SLC37A2: variants seen among roughly 807,000 people sequenced by gnomAD.
The protein encoded by SLC37A2 is solute carrier family 37 member 2.
In SLC37A2, 59 loss-of-function variants were observed where a neutral mutation model predicts 70.7. That is an observed-to-expected ratio of 0.83 (90% confidence interval 0.68 to 1.04). SLC37A2 has a LOEUF of 1.04. Ranked by LOEUF, SLC37A2 falls within the 50% of genes least tolerant of loss-of-function variation. SLC37A2 has a pLI of 0.00. For missense variants in SLC37A2, 580 were observed against 658.1 expected (o/e 0.88, Z 1.30); for synonymous variants, 257 against 262.1 (o/e 0.98, Z 0.19).
At chr11:125,085,307 C>T in intron 14 of SLC37A2, 88 bp from the exon 15 acceptor site, 2 of 1,402,516 alleles carry the variant, frequency 1.4e-6, no homozygotes, top group African/African-American at 1.4e-5. Context: ...CCCCAGTTAC[C>T]ACCTTCCCTG....
At position 125,088,458 on chromosome 11, in the gene SLC37A2, G is replaced by A. The variant is rs1419323817; in HGVS notation, c.*324G>A. On this transcript the variant is annotated 3_prime_UTR_variant, in exon 18 of 18. Coordinates refer to ENST00000403796, the MANE Select transcript of SLC37A2 (RefSeq NM_001145290.2). ...TCTTGCTTGTTCAGATTCCAAGACA[G>A]AAGGCTTCACAAGGCCAACGCCTGG... is the stretch of plus-strand genomic sequence containing the variant. 2 of 299,100 alleles carry A rather than the reference G, an allele frequency of 6.7e-6. No individual in the cohort carries two copies. Among genetic ancestry groups the A allele is most frequent in the Non-Finnish European group, 6.2e-6 (1 of 161,882 alleles). 18.5% of individuals were successfully genotyped at this position (299,100 alleles called of 1,614,324 possible). A position where few individuals can be genotyped will look rare whatever the true frequency, so the allele number is the denominator to read the frequency against.
chr11:125,085,067 G>A lies in SLC37A2; in HGVS notation c.1176G>A (p.Val392=). The A allele has an allele frequency of 1.2e-6, 2 of 1,614,046 alleles. No homozygotes were observed. Among genetic ancestry groups the A allele is most frequent in the South Asian group, 1.1e-5 (1 of 91,084 alleles). Residue 392 remains valine (V), a splice_region_variant and synonymous_variant, in exon 14 of 18, where the codon GTG becomes GTA. Transcript: ENST00000403796. ...IGQDGIASSI[V]MLIICGGLVN... is the part of the protein sequence containing the mutation. ...CTGGCTGTCTCTATGCTGTCCCAGTGATGCTGATCATCTGTGGGGGCCTGG... is the reference window on the plus strand; with the variant it reads ...CTGGCTGTCTCTATGCTGTCCCAGTAATGCTGATCATCTGTGGGGGCCTGG...
rs760223124 is a variant in SLC37A2 at position 125,085,405 on chromosome 11, A to G, written c.1259A>G (p.Lys420Arg). ...ACTGTCTCTCTCCAGGGGACTCACAAGAGCCTGAAGGGCAACGCCAAAGCC... is the reference window on the plus strand; with the variant it reads ...ACTGTCTCTCTCCAGGGGACTCACAGGAGCCTGAAGGGCAACGCCAAAGCC... ...TAVSADLGTH[K>R]SLKGNAKALS... is the part of the protein sequence containing the mutation. Residue 420 changes from lysine to arginine, a missense_variant, in exon 15 of 18, where the codon AAG (lysine) becomes AGG (arginine). By Grantham distance (26) the Lys-to-Arg change is conservative. Coordinates refer to ENST00000403796, the MANE Select transcript of SLC37A2 (RefSeq NM_001145290.2). The G allele has an allele frequency of 1.2e-6, 2 of 1,613,806 alleles. No individual in the cohort carries two copies. The highest frequency in any genetic ancestry group is 2.2e-5 in the East Asian group (1 of 44,824).
At position 125,084,664 on chromosome 11, in the gene SLC37A2, T is replaced by A. The variant is rs548878591; in HGVS notation, c.1126-161T>A. On this transcript the variant is annotated intron_variant, in intron 12 of 17. Coordinates refer to ENST00000403796, the MANE Select transcript of SLC37A2 (RefSeq NM_001145290.2). ...AGAGTACCACGTTTTAGACCGTCCA[T>A]CCCTGGGACATTTAAAGACCAGAGA... is the stretch of plus-strand genomic sequence containing the variant. 2.5e-4 allele frequency among the ~76,000 whole-genome samples: 38 copies of A among 152,294 alleles called. No homozygotes were observed. The East Asian group carries it at 7.1e-3, about 29-fold the overall frequency.
Position 125,086,311 on chromosome 11 carries a change from G to A in SLC37A2, c.1490+293G>A. The A allele has an allele frequency of 4.5e-6, 6 of 1,331,096 alleles. No homozygotes were observed. In the South Asian group the frequency reaches 7.0e-5, roughly 16 times the overall value. The allele number at this position is 1,331,096 out of a possible 1,614,324, so 82.5% of individuals were successfully genotyped here. A position where few individuals can be genotyped will look rare whatever the true frequency, so the allele number is the denominator to read the frequency against. On this transcript the variant is annotated intron_variant, in intron 17 of 17. Transcript: ENST00000403796. Reference sequence around the variant, plus strand: ...CTCGAGTGCCATTTGAGTGGGGGCTGCATGCAAATCCTCTGTCCTGCAGTA... The same window carrying A: ...CTCGAGTGCCATTTGAGTGGGGGCTACATGCAAATCCTCTGTCCTGCAGTA...
At chr11:125,073,422 C>T (rs939616493) in intron 1 of SLC37A2, among the ~76,000 whole-genome samples, 3 of 152,228 alleles carry the variant, frequency 2.0e-5, no homozygotes, top group Non-Finnish European at 4.4e-5. Context: ...CCCGGAGCCT[C>T]CACTTCCCAG....
At chr11:125,064,577 T>C (rs1222266310) in intron 1 of SLC37A2, among the ~76,000 whole-genome samples, 2 of 152,202 alleles carry the variant, frequency 1.3e-5, no homozygotes, top group Non-Finnish European at 2.9e-5. Context: ...TTTTAATTGT[T>C]GAGAGCTCTC....
intron 6 of SLC37A2, among the ~76,000 whole-genome samples, 192 bp downstream of exon 6, chr11:125,079,952 GC>G (rs2135571307): frequency 1.3e-5 from 2 of 152,288 alleles, no homozygotes; most frequent in South Asian, 4.1e-4. Flanking sequence ...CATAGAGCAG[GC>G]AACCTTAGTT....
At position 125,088,146 on chromosome 11, in the gene SLC37A2, G is replaced by T; in HGVS notation, c.*12G>T. Reference sequence around the variant, plus strand: ...ATAAAGAAATATGAGGCCCCAATTGGAACAGCAGCATGGAGGGTCCCAGTT... The same window carrying T: ...ATAAAGAAATATGAGGCCCCAATTGTAACAGCAGCATGGAGGGTCCCAGTT... On this transcript the variant is annotated 3_prime_UTR_variant, in exon 18 of 18. Transcript: ENST00000403796. 1 of 1,551,700 alleles carries T rather than the reference G, an allele frequency of 6.4e-7. No homozygotes were observed. The highest frequency in any genetic ancestry group is 8.7e-7 in the Non-Finnish European group (1 of 1,147,036).
chr11:125,085,748 A>G, intron 16 of SLC37A2, 74 bp downstream of exon 16: 1 of 1,524,184 alleles, frequency 6.6e-7, no homozygotes, highest in Non-Finnish European at 9.0e-7. Flanking sequence ...TGGAGGTCCA[A>G]AGCGTTGGCC....
chr11:125,088,202 C>T lies in SLC37A2; in HGVS notation c.*68C>T. 1 of 1,525,096 alleles carries T rather than the reference C, an allele frequency of 6.6e-7. No individual in the cohort carries two copies. The highest frequency in any genetic ancestry group is 8.9e-7 in the Non-Finnish European group (1 of 1,123,292). The allele number at this position is 1,525,096 out of a possible 1,614,324, so 94.5% of individuals were successfully genotyped here. A position where few individuals can be genotyped will look rare whatever the true frequency, so the allele number is the denominator to read the frequency against. On this transcript the variant is annotated 3_prime_UTR_variant, in exon 18 of 18. Transcript: ENST00000403796. ...CCCAACGTGCTCCCCATGGGCAAGA[C>T]AATGGAAACTTCCACAAGCAGGGAA...
At chr11:125,084,932 C>G in intron 13 of SLC37A2, 59 bp downstream of exon 13, 1 of 1,608,104 alleles carries the variant, frequency 6.2e-7, no homozygotes, top group African/African-American at 1.3e-5. Flanking sequence ...TTGGGGGCCC[C>G]ATGAGGCTGG....
intron 2 of SLC37A2, 52 bp from the exon 3 acceptor site, chr11:125,077,178 C>A: frequency 7.0e-7 from 1 of 1,419,106 alleles, no homozygotes; most frequent in Non-Finnish European, 9.6e-7. Context: ...CAGGTGGTTG[C>A]TTGCTCCCCT....
chr11:125,073,385 A>T (rs1274422252), intron 1 of SLC37A2, among the ~76,000 whole-genome samples: 2 of 152,206 alleles, frequency 1.3e-5, no homozygotes, highest in African/African-American at 4.8e-5. Context: ...TGGCAGCCAC[A>T]TCTCTACCTT....
At position 125,077,496 on chromosome 11, in the gene SLC37A2, C is replaced by A; in HGVS notation, c.282C>A (p.Phe94Leu). The A allele has an allele frequency of 6.2e-7, 1 of 1,613,964 alleles. No individual in the cohort carries two copies. The highest frequency in any genetic ancestry group is 2.2e-5 in the East Asian group (1 of 44,878). ...KELLGGVDNAFLIAYAIGMFI... is the reference protein window; with the variant it reads ...KELLGGVDNALLIAYAIGMFI... ...TACTAGGGGGCGTGGACAACGCCTT[C>A]CTCATCGCCTATGCCATCGGCATGT... is the stretch of plus-strand genomic sequence containing the variant. Residue 94 changes from phenylalanine (F) to leucine (L), a missense_variant, in exon 4 of 18, where the codon TTC becomes TTA. Transcript: ENST00000403796.
intron 1 of SLC37A2, among the ~76,000 whole-genome samples, chr11:125,066,751 T>A (rs1026420532): frequency 6.6e-6 from 1 of 151,956 alleles, no homozygotes; most frequent in South Asian, 2.1e-4. Flanking sequence ...AGAGAAAAAA[T>A]TTTAAGATAT....
chr11:125,068,668 A>G (rs1412076161), intron 1 of SLC37A2, among the ~76,000 whole-genome samples: 1 of 152,226 alleles, frequency 6.6e-6, no homozygotes, highest in Admixed American at 6.5e-5. Flanking sequence ...AACACATAAA[A>G]GGTTAGAGAT....
At chr11:125,076,345 T>A (rs1446561162) in intron 1 of SLC37A2, among the ~76,000 whole-genome samples, 2 of 152,130 alleles carry the variant, frequency 1.3e-5, no homozygotes, top group Non-Finnish European at 2.9e-5. Flanking sequence ...TTCTCCCGAC[T>A]GTCTCCCTCC....
chr11:125,073,585 T>C (rs1438102842), intron 1 of SLC37A2, among the ~76,000 whole-genome samples: 4 of 152,270 alleles, frequency 2.6e-5, no homozygotes, highest in African/African-American at 9.6e-5. Context: ...AATTTCAGAC[T>C]GGTTAGGTGC....
Sources: gnomAD v4.1 joint callset for allele counts (sites outside exome capture counted in the v4.1 genomes callset) on GRCh38, gnomAD v4.1.1 for gene constraint, MANE v1.5 for transcripts, NCBI Gene and HGNC (gene_info 2026-07-23, HGNC 2026-07-21) for gene names.